The following VPS13B variants were observed in gnomAD, a reference collection of about 807,000 sequenced individuals.
VPS13B encodes intermembrane lipid transfer protein VPS13B.
In VPS13B, 285 loss-of-function variants were observed where a neutral mutation model predicts 426.4. That is an observed-to-expected ratio of 0.67 (90% CI 0.61 to 0.74). VPS13B has a LOEUF of 0.74. Among genes scored for constraint, VPS13B ranks in the 30% least tolerant of loss-of-function variants. VPS13B has a pLI of 0.00. For synonymous variants in VPS13B, 1,676 were observed against 1,676.4 expected, an observed-to-expected ratio of 1.00 and a Z score of 0.01; for missense variants, 4,537 against 4,782.6, an observed-to-expected ratio of 0.95 and a Z score of 1.51.
intron 19 of VPS13B, among the ~76,000 whole-genome samples, chr8:99,308,361 G>A (rs1417485026): frequency 6.6e-6 from 1 of 151,984 alleles, no homozygotes; most frequent in Non-Finnish European, 1.5e-5. Context: ...CCTAGTATGT[G>A]ATGTTCCCCT....
intron 21 of VPS13B, among the ~76,000 whole-genome samples, chr8:99,416,429 T>A (rs3134183): frequency 0.17 from 26,428 of 151,786 alleles, 2,825 homozygotes; most frequent in East Asian, 0.38. Flanking sequence ...GAGCAAATGG[T>A]CTGTCTCGCT....
chr8:99,463,683 C>A (rs1460451208), intron 23 of VPS13B, among the ~76,000 whole-genome samples: 1 of 152,028 alleles, frequency 6.6e-6, no homozygotes, highest in Non-Finnish European at 1.5e-5. Context: ...AACACTTTAT[C>A]TTTAACTGTC....
At chr8:99,723,630 C>G (rs1398639169) in intron 39 of VPS13B, among the ~76,000 whole-genome samples, 1 of 152,102 alleles carries the variant, frequency 6.6e-6, no homozygotes, top group Non-Finnish European at 1.5e-5. Context: ...TGATGGATGA[C>G]TCTACAGACC....
intron 39 of VPS13B, among the ~76,000 whole-genome samples, chr8:99,752,174 C>A (rs1310055761): frequency 3.3e-5 from 5 of 151,212 alleles, no homozygotes; most frequent in African/African-American, 1.2e-4. Flanking sequence ...AAGACTCCAT[C>A]TCTAAAAAAA....
At chr8:99,773,666 G>T (rs1380216669) in intron 40 of VPS13B, among the ~76,000 whole-genome samples, 1 of 152,114 alleles carries the variant, frequency 6.6e-6, no homozygotes, top group Non-Finnish European at 1.5e-5. Context: ...AAAGCTACTT[G>T]AATAAATTAC....
At chr8:99,136,603 GC>G in intron 11 of VPS13B, 61 bp from the exon 12 acceptor site, 1 of 1,540,236 alleles carries the variant, frequency 6.5e-7, no homozygotes, top group East Asian at 2.3e-5. Context: ...AACCTATCAA[GC>G]TTTAAACTCA....
chr8:99,423,118 T>C (rs76039346), intron 21 of VPS13B, among the ~76,000 whole-genome samples: 1 of 152,156 alleles, frequency 6.6e-6, no homozygotes, highest in Non-Finnish European at 1.5e-5. Flanking sequence ...TTCTCTCCTT[T>C]CCTTTCTTTC....
At chr8:99,739,670 C>T (rs1000202529) in intron 39 of VPS13B, among the ~76,000 whole-genome samples, 3 of 152,182 alleles carry the variant, frequency 2.0e-5, no homozygotes, top group Admixed American at 2.0e-4. Context: ...TCACCAATAT[C>T]CACCGTTCTG....
chr8:99,366,338 A>G (rs886975413), intron 19 of VPS13B, among the ~76,000 whole-genome samples: 1 of 152,064 alleles, frequency 6.6e-6, no homozygotes, highest in Non-Finnish European at 1.5e-5. Context: ...TCATTATATA[A>G]TGACCTCCTT....
rs777439630 is a variant in VPS13B, at chr8:99,442,484, A to T, written c.3294A>T (p.Gly1098=). 1 of 1,613,990 alleles carries T rather than the reference A, an allele frequency of 6.2e-7. No individual in the cohort carries two copies. The highest frequency in any genetic ancestry group is 1.7e-5 in the Admixed American group (1 of 60,006). ...PSTIVSGDIP[G]TVRSWYHGQT... is the part of the protein sequence containing the mutation. ...CAATTGTATCTGGTGACATTCCTGG[A>T]ACAGTAAGAAGTTGGTACCATGGAC... Residue 1098 remains glycine (G), a synonymous_variant, in exon 23 of 62, where the codon GGA becomes GGT. Transcript: ENST00000357162.
chr8:99,449,947 G>A (rs1252445962), intron 23 of VPS13B, among the ~76,000 whole-genome samples: 1 of 152,074 alleles, frequency 6.6e-6, no homozygotes, highest in African/African-American at 2.4e-5. Flanking sequence ...TGAGACTGTA[G>A]GTTCGTGCCA....
chr8:99,175,688 T>C (rs1812591876), intron 16 of VPS13B, among the ~76,000 whole-genome samples: 1 of 152,068 alleles, frequency 6.6e-6, no homozygotes, highest in Non-Finnish European at 1.5e-5. Flanking sequence ...GCTCGGGAGA[T>C]TGAGGCTGCA....
intron 23 of VPS13B, among the ~76,000 whole-genome samples, chr8:99,465,647 C>T (rs1053197369): frequency 2.1e-4 from 32 of 151,936 alleles, no homozygotes; most frequent in African/African-American, 7.5e-4. Context: ...ATATATAATC[C>T]GAACTCAGTC....
At chr8:99,100,020 T>C (rs1846641703) in intron 4 of VPS13B, among the ~76,000 whole-genome samples, 1 of 152,160 alleles carries the variant, frequency 6.6e-6, no homozygotes, top group Non-Finnish European at 1.5e-5. Flanking sequence ...AGGGAGTCTC[T>C]AAGTATGGAG....
At chr8:99,721,632 T>C (rs888981333) in intron 39 of VPS13B, among the ~76,000 whole-genome samples, 1 of 152,230 alleles carries the variant, frequency 6.6e-6, no homozygotes, top group Non-Finnish European at 1.5e-5. Context: ...AATGTTCTAC[T>C]GATAGGAGTT....
chr8:99,603,826 C>T (rs1222214133), intron 33 of VPS13B, among the ~76,000 whole-genome samples: 1 of 152,114 alleles, frequency 6.6e-6, no homozygotes, highest in Non-Finnish European at 1.5e-5. Flanking sequence ...GAAACATGCC[C>T]ATTTGATGAT....
intron 30 of VPS13B, among the ~76,000 whole-genome samples, chr8:99,525,309 C>T (rs1013996430): frequency 7.2e-5 from 11 of 152,050 alleles, no homozygotes; most frequent in African/African-American, 2.7e-4. Context: ...TTTATTTTCT[C>T]TTTGCCTGTT....
rs202238341 is a variant in VPS13B at position 99,575,789 on chromosome 8, G to C, written c.5076+5G>C. ...CCAGAAAATTTGCATACTGAGGTTA[G>C]AACATAATTTTGATTTTATTTTAGT... On this transcript the variant is annotated splice_donor_5th_base_variant and intron_variant, in intron 32 of 61. Coordinates refer to ENST00000357162, the MANE Select transcript of VPS13B (RefSeq NM_152564.5). 1.2e-6 allele frequency: 2 copies of C among 1,612,706 alleles called. No individual in the cohort carries two copies. The highest frequency in any genetic ancestry group is 1.7e-6 in the Non-Finnish European group (2 of 1,179,316).
Position 99,877,460 on chromosome 8 carries a change from T to G in VPS13B, c.*1794T>G, listed in dbSNP as rs1264880975. On this transcript the variant is annotated 3_prime_UTR_variant, in exon 62 of 62. Coordinates refer to ENST00000357162, the MANE Select transcript of VPS13B (RefSeq NM_152564.5). ...CCCATAGATGTCTACTGTTACCAGG[T>G]TTTACAATGCAAATTTTCACTAATA... 6.6e-6 allele frequency: 1 copy of G among 152,632 alleles called. No homozygotes were observed. Among genetic ancestry groups the G allele is most frequent in the Non-Finnish European group, 1.5e-5 (1 of 68,034 alleles). 9.5% of individuals were successfully genotyped at this position (152,632 alleles called of 1,614,324 possible).
Sources: allele counts gnomAD v4.1 joint callset (sites outside exome capture counted in the v4.1 genomes callset), GRCh38; gene constraint gnomAD v4.1.1; transcripts MANE v1.5; gene names NCBI Gene and HGNC (gene_info 2026-07-23, HGNC 2026-07-21).